Variants in RNF216 observed in about 807,000 individuals in gnomAD.
RNF216 encodes E3 ubiquitin-protein ligase RNF216.
Under a neutral mutation model 110.8 loss-of-function variants are expected in RNF216, and 72 were observed. The observed-to-expected ratio is 0.65, with a 90% CI of 0.54 to 0.79. The LOEUF is 0.79. Ranked by LOEUF, RNF216 falls within the 30% of genes least tolerant of loss-of-function variation. The pLI, the probability that RNF216 is intolerant of heterozygous loss-of-function variation, is 0.00. For missense variants in RNF216, 1,342 were observed against 1,141.2 expected (o/e 1.18, Z -2.54); for synonymous variants, 495 against 407.5 (o/e 1.21, Z -2.59).
chr7:5,693,718 G>T (rs562472512), intron 13 of RNF216, among the ~76,000 whole-genome samples: 24 of 152,266 alleles, frequency 1.6e-4, no homozygotes, highest in South Asian at 1.0e-3. Context: ...TGCTTGTGTT[G>T]TTCTAAAGTT....
intron 1 of RNF216, among the ~76,000 whole-genome samples, chr7:5,768,908 G>A (rs955082321): frequency 4.6e-5 from 7 of 151,886 alleles, no homozygotes; most frequent in Middle Eastern, 3.4e-3. Context: ...TGATCCACCC[G>A]CCTCGACCTC....
chr7:5,680,117 A>G lies in RNF216; in HGVS notation c.2062-27607T>C, dbSNP rs1295929971. ...TCAGGAAGAAGTCCACGTTCTTCAC[A>G]CAAGGGACATCTCCCCCACGAGCTG... On this transcript the variant is annotated intron_variant, in intron 13 of 16. Coordinates refer to ENST00000389902, the MANE Select transcript of RNF216 (RefSeq NM_207111.4). The surrounding 1 kb of genome is among the most constrained non-coding windows in gnomAD (Gnocchi z 4.3). Among the ~76,000 whole-genome samples the G allele has an allele frequency of 6.6e-6, 1 of 152,178 alleles. No individual in the cohort carries two copies. The highest frequency in any genetic ancestry group is 1.5e-5 in the Non-Finnish European group (1 of 68,028).
intron 1 of RNF216, among the ~76,000 whole-genome samples, chr7:5,769,829 G>C (rs892798212): frequency 6.7e-6 from 1 of 149,316 alleles, no homozygotes; most frequent in African/African-American, 2.5e-5. Flanking sequence ...TTGAGGTCAG[G>C]AGTTTGAGAC....
chr7:5,693,757 C>T (rs190990725), intron 13 of RNF216, among the ~76,000 whole-genome samples: 107 of 152,224 alleles, frequency 7.0e-4, no homozygotes, highest in Non-Finnish European at 1.3e-3. Context: ...CATACTGTGA[C>T]CAAATTAGGA....
At chr7:5,652,564 A>C in intron 13 of RNF216, 54 bp from the exon 14 acceptor site, 1 of 1,185,286 alleles carries the variant, frequency 8.4e-7, no homozygotes, top group Non-Finnish European at 1.3e-6. Context: ...ACACCACAGA[A>C]GTTCCTGTTC....
chr7:5,641,156 T>A lies in RNF216; in HGVS notation c.2380A>T (p.Thr794Ser). The A allele has an allele frequency of 1.9e-6, 3 of 1,610,488 alleles. No individual in the cohort carries two copies. The highest frequency in any genetic ancestry group is 2.5e-6 in the Non-Finnish European group (3 of 1,176,954). The change falls in exon 15 of 17, where the codon ACT becomes TCT. Residue 794 changes from threonine (T) to serine (S), a missense_variant and splice_region_variant. Transcript: ENST00000389902. ...CSRCSLWTDP[T>S]EDDEKLIEEI... ...TAGGCAGCCATGTGTCTACTTACAG[T>A]GGGATCGGTCCAGAGAGAGCATCTT... is the stretch of plus-strand genomic sequence containing the variant.
At chr7:5,719,020 T>A (rs1793242866) in intron 9 of RNF216, among the ~76,000 whole-genome samples, 1 of 146,784 alleles carries the variant, frequency 6.8e-6, no homozygotes, top group African/African-American at 2.5e-5. Flanking sequence ...TTCAAGTGAC[T>A]TTAAAATATT....
At chr7:5,711,113 G>A (rs763876984) in intron 13 of RNF216, among the ~76,000 whole-genome samples, 2 of 152,110 alleles carry the variant, frequency 1.3e-5, no homozygotes, top group African/African-American at 2.4e-5. Flanking sequence ...GAGCGTATTT[G>A]TCTAGGTGGA....
At chr7:5,738,735 C>T (rs967976611) in intron 5 of RNF216, among the ~76,000 whole-genome samples, 3 of 144,464 alleles carry the variant, frequency 2.1e-5, no homozygotes, top group Non-Finnish European at 4.5e-5. Context: ...AAAAAAAATG[C>T]TTCCATGTAT....
intron 13 of RNF216, among the ~76,000 whole-genome samples, chr7:5,685,991 G>C (rs1057344733): frequency 1.3e-5 from 2 of 152,162 alleles, no homozygotes; most frequent in Non-Finnish European, 2.9e-5. Flanking sequence ...GGGAGGCTGA[G>C]GCGGACGGAT....
intron 3 of RNF216, among the ~76,000 whole-genome samples, chr7:5,748,631 C>T (rs1254129537): frequency 2.0e-5 from 3 of 148,712 alleles, no homozygotes; most frequent in Non-Finnish European, 3.0e-5. Context: ...CACACACACA[C>T]ACACACACAC....
At chr7:5,765,184 G>A (rs1008719011) in intron 1 of RNF216, among the ~76,000 whole-genome samples, 12 of 152,244 alleles carry the variant, frequency 7.9e-5, no homozygotes, top group South Asian at 4.1e-4. Flanking sequence ...CTTCAAGACC[G>A]GGCATGGTGG....
intron 1 of RNF216, among the ~76,000 whole-genome samples, chr7:5,763,713 G>A (rs1796049272): frequency 6.6e-6 from 1 of 152,048 alleles, no homozygotes; most frequent in Admixed American, 6.6e-5. Flanking sequence ...GGGACCACAG[G>A]CATGCACCAC....
intron 13 of RNF216, chr7:5,666,579 G>A (rs1374791857): frequency 6.6e-6 from 1 of 152,240 alleles, no homozygotes; most frequent in African/African-American, 2.4e-5. Flanking sequence ...TGCAATGGCT[G>A]TGCATGAGGT....
intron 13 of RNF216, among the ~76,000 whole-genome samples, chr7:5,660,618 C>A (rs1789054595): frequency 6.6e-6 from 1 of 151,556 alleles, no homozygotes. Flanking sequence ...CACTGTGTCA[C>A]CCAGGTTGGA....
rs754564803 is a variant in RNF216, at chr7:5,620,162, G to T, written c.*2698C>A. On this transcript the variant is annotated 3_prime_UTR_variant, in exon 17 of 17. Transcript: ENST00000389902. ...TCTATTTTTACTACCAGAAGGTAAA[G>T]AAAAAGTTTAATGAACTAATCGTTT... is the stretch of plus-strand genomic sequence containing the variant. 6.6e-6 allele frequency: 1 copy of T among 152,192 alleles called. No individual in the cohort carries two copies. Among genetic ancestry groups the T allele is most frequent in the Admixed American group, 6.5e-5 (1 of 15,286 alleles). The allele number at this position is 152,192 out of a possible 1,614,324, so 9.4% of individuals were successfully genotyped here. A position where few individuals can be genotyped will look rare whatever the true frequency, so the allele number is the denominator to read the frequency against.
chr7:5,632,899 C>T (rs1179519375), intron 15 of RNF216, among the ~76,000 whole-genome samples: 1 of 152,218 alleles, frequency 6.6e-6, no homozygotes, highest in Non-Finnish European at 1.5e-5. Flanking sequence ...GTGGGCAGTG[C>T]ACCCCAAATG....
At chr7:5,634,395 G>C (rs756807142) in intron 15 of RNF216, among the ~76,000 whole-genome samples, 1 of 152,240 alleles carries the variant, frequency 6.6e-6, no homozygotes, top group African/African-American at 2.4e-5. Flanking sequence ...CTTCCAAAGA[G>C]CTTAAGATTT....
At chr7:5,639,390 A>C (rs889590084) in intron 15 of RNF216, among the ~76,000 whole-genome samples, 2 of 152,072 alleles carry the variant, frequency 1.3e-5, no homozygotes, top group East Asian at 1.9e-4. Context: ...CATAGAGGAG[A>C]AACACACTTC....
Sources: gnomAD v4.1 joint callset for allele counts (sites outside exome capture counted in the v4.1 genomes callset) on GRCh38, gnomAD v4.1.1 for gene constraint, Gnocchi (gnomAD v3.1) non-coding constraint, MANE v1.5 for transcripts, NCBI Gene and HGNC (gene_info 2026-07-23, HGNC 2026-07-21) for gene names.